BZW2: variants seen among roughly 807,000 people sequenced by gnomAD.
The protein encoded by BZW2 is eIF5-mimic protein 1.
In BZW2, 23 loss-of-function variants were observed where a neutral mutation model predicts 53.2. The observed-to-expected ratio is 0.43, with a 90% confidence interval of 0.31 to 0.61. The LOEUF is 0.61. Ranked by LOEUF, BZW2 falls within the 20% of genes least tolerant of loss-of-function variation. The probability of loss-of-function intolerance (pLI) is 0.09; values close to 1 mark genes in which losing one functional copy is unlikely to be tolerated. For synonymous variants in BZW2, 227 were observed against 186.4 expected (o/e 1.22, Z -1.77); for missense variants, 409 against 503.1 (o/e 0.81, Z 1.79).
At chr7:16,651,687 G>A (rs1483568228) in intron 1 of BZW2, among the ~76,000 whole-genome samples, 9 of 152,124 alleles carry the variant, frequency 5.9e-5, no homozygotes, top group Non-Finnish European at 1.0e-4. Flanking sequence ...TATAGTGCTA[G>A]AAATTATGGT....
At chr7:16,697,149 G>A (rs1247824710) in intron 9 of BZW2, 88 bp downstream of exon 9, 4 of 1,441,450 alleles carry the variant, frequency 2.8e-6, no homozygotes, top group African/African-American at 2.9e-5. Context: ...GAGTGCAGTG[G>A]CACGATCTGC....
At chr7:16,648,793 A>G (rs1264153437) in intron 1 of BZW2, among the ~76,000 whole-genome samples, 1 of 152,100 alleles carries the variant, frequency 6.6e-6, no homozygotes, top group East Asian at 1.9e-4. Context: ...TCCTCCTCTG[A>G]ATGATTTCCC....
At chr7:16,686,723 C>A (rs1383726662) in intron 6 of BZW2, 1 of 152,202 alleles carries the variant, frequency 6.6e-6, no homozygotes, top group Admixed American at 6.5e-5. Flanking sequence ...CTTCTGAGAA[C>A]TTAAAGTTTT....
chr7:16,705,775 T>G (rs968606073), intron 11 of BZW2, among the ~76,000 whole-genome samples: 2 of 149,510 alleles, frequency 1.3e-5, no homozygotes, highest in African/African-American at 4.9e-5. Context: ...ATTCAAATTT[T>G]TATATAATTT....
At chr7:16,668,386 A>G (rs1324158774) in intron 2 of BZW2, among the ~76,000 whole-genome samples, 1 of 152,204 alleles carries the variant, frequency 6.6e-6, no homozygotes, top group Admixed American at 6.5e-5. Flanking sequence ...AGAGCCACTG[A>G]GAAATATATA....
At chr7:16,700,654 G>C (rs1783637068) in intron 10 of BZW2, 1 of 152,146 alleles carries the variant, frequency 6.6e-6, no homozygotes, top group African/African-American at 2.4e-5. Context: ...AGGACCACTG[G>C]TGTAAAGTGT....
At chr7:16,699,012 A>T (rs1036744470) in intron 10 of BZW2, among the ~76,000 whole-genome samples, 6 of 152,292 alleles carry the variant, frequency 3.9e-5, no homozygotes, top group Admixed American at 1.3e-4. Flanking sequence ...TATCTTGGGA[A>T]TTTGGAAAAT....
intron 3 of BZW2, among the ~76,000 whole-genome samples, chr7:16,675,450 A>G (rs886266731): frequency 1.3e-5 from 2 of 152,218 alleles, no homozygotes; most frequent in African/African-American, 2.4e-5. Flanking sequence ...TCCTTGAGAA[A>G]ACACTGCTTA....
At chr7:16,673,774 A>G (rs1782680316) in intron 2 of BZW2, among the ~76,000 whole-genome samples, 1 of 152,180 alleles carries the variant, frequency 6.6e-6, no homozygotes. Flanking sequence ...TTCCAAATGT[A>G]CATTTTAAGT....
chr7:16,672,759 T>C (rs1782643186), intron 2 of BZW2, among the ~76,000 whole-genome samples: 2 of 152,188 alleles, frequency 1.3e-5, no homozygotes, highest in South Asian at 2.1e-4. Context: ...CCCTGCTTTG[T>C]TCAAGACCTG....
intron 8 of BZW2, chr7:16,695,882 A>G (rs1447227492): frequency 2.6e-5 from 4 of 152,244 alleles, no homozygotes; most frequent in Admixed American, 1.3e-4. Context: ...TAAGGATAGC[A>G]GTATATTTAA....
chr7:16,681,800 A>G (rs749608059), intron 4 of BZW2, among the ~76,000 whole-genome samples: 1 of 152,168 alleles, frequency 6.6e-6, no homozygotes, highest in Non-Finnish European at 1.5e-5. Flanking sequence ...CCACTGCTCA[A>G]CCTTGGTGAC....
At chr7:16,676,167 A>G (rs1022507980) in intron 3 of BZW2, among the ~76,000 whole-genome samples, 1 of 152,186 alleles carries the variant, frequency 6.6e-6, no homozygotes, top group South Asian at 2.1e-4. Flanking sequence ...GCTGATTTGT[A>G]TTTATTCAGC....
At chr7:16,666,174 A>G (rs1162645670) in intron 2 of BZW2, among the ~76,000 whole-genome samples, 7 of 152,066 alleles carry the variant, frequency 4.6e-5, no homozygotes, top group African/African-American at 1.7e-4. Context: ...AGCTCACTGC[A>G]TCCTCAAACA....
chr7:16,696,219 A>T (rs1783483378), intron 8 of BZW2: 1 of 152,224 alleles, frequency 6.6e-6, no homozygotes, highest in Non-Finnish European at 1.5e-5. Context: ...CTGAGGCCCA[A>T]ACCTCTATTT....
chr7:16,667,049 G>A (rs922392416), intron 2 of BZW2, among the ~76,000 whole-genome samples: 3 of 152,188 alleles, frequency 2.0e-5, no homozygotes, highest in African/African-American at 4.8e-5. Flanking sequence ...TTGGGAGGCC[G>A]AGGCGAGTGG....
At chr7:16,698,237 T>C (rs1040675641) in intron 10 of BZW2, 51 bp downstream of exon 10, 27 of 1,608,394 alleles carry the variant, frequency 1.7e-5, no homozygotes, top group Non-Finnish European at 2.2e-5. Flanking sequence ...TGAAGCTCTT[T>C]GAGAGGCAGA....
chr7:16,655,212 G>C (rs1178808791), intron 1 of BZW2, among the ~76,000 whole-genome samples: 1 of 152,160 alleles, frequency 6.6e-6, no homozygotes, highest in East Asian at 1.9e-4. Context: ...ATGATCTGTA[G>C]ACTCCAGAGG....
intron 10 of BZW2, among the ~76,000 whole-genome samples, 153 bp from the exon 11 acceptor site, chr7:16,704,394 C>G (rs1202073182): frequency 6.6e-6 from 1 of 152,132 alleles, no homozygotes; most frequent in Non-Finnish European, 1.5e-5. Context: ...TGGCACTATG[C>G]TACATGAAAA....
Sources: gnomAD v4.1 joint callset for allele counts (sites outside exome capture counted in the v4.1 genomes callset) on GRCh38, gnomAD v4.1.1 for gene constraint, MANE v1.5 for transcripts, NCBI Gene and HGNC (gene_info 2026-07-23, HGNC 2026-07-21) for gene names.